C8orf34: variants seen among roughly 807,000 people sequenced by gnomAD.
C8orf34 encodes uncharacterized protein C8orf34.
C8orf34 carries 65 observed loss-of-function variants against 68.3 expected under a neutral mutation model. The observed-to-expected ratio is 0.95, with a 90% confidence interval of 0.78 to 1.17. The LOEUF (loss-of-function observed/expected upper bound fraction) is 1.17. Among genes scored for constraint, C8orf34 ranks in the 50% most tolerant of loss-of-function variants. The pLI is 0.00. For synonymous variants in C8orf34, 244 were observed against 241.2 expected (o/e 1.01, Z -0.11); for missense variants, 664 against 655.4 (o/e 1.01, Z -0.14).
intron 9 of C8orf34, among the ~76,000 whole-genome samples, chr8:68,712,783 A>G (rs1821362072): frequency 6.6e-6 from 1 of 152,168 alleles, no homozygotes; most frequent in African/African-American, 2.4e-5. Flanking sequence ...TAGACAGGTC[A>G]TCAAGACAGA....
chr8:68,432,589 A>G (rs1179757207), intron 1 of C8orf34, among the ~76,000 whole-genome samples: 1 of 152,104 alleles, frequency 6.6e-6, no homozygotes. Flanking sequence ...TAAAAGACTG[A>G]TATTTTAAAT....
At chr8:68,560,013 G>C (rs906532137) in intron 7 of C8orf34, among the ~76,000 whole-genome samples, 2 of 152,152 alleles carry the variant, frequency 1.3e-5, no homozygotes, top group East Asian at 3.9e-4. Context: ...GACAGAGGCG[G>C]AATACTGAGG....
At chr8:68,743,189 A>G (rs1822355486) in intron 10 of C8orf34, among the ~76,000 whole-genome samples, 1 of 152,230 alleles carries the variant, frequency 6.6e-6, no homozygotes, top group Admixed American at 6.5e-5. Flanking sequence ...TGACAAGGAC[A>G]CCTGTTAGAA....
Position 68,345,848 on chromosome 8 carries a change from A to AC in C8orf34, c.327+14509_327+14510insC, listed in dbSNP as rs201337174. ...AAATTTATACATTTAAAAAATACAC[A>AC]ATAGCATTTAGAAAAAAATTTACCA... On this transcript the variant is annotated intron_variant, in intron 1 of 13. Transcript: ENST00000518698. Among the ~76,000 whole-genome samples, 1,198 of 152,156 alleles carry AC rather than the reference A, an allele frequency of 7.9e-3. 19 individuals carry two copies. The highest frequency in any genetic ancestry group is 0.027 in the African/African-American group (1,102 of 41,536).
chr8:68,711,597 T>C (rs1484684335), intron 9 of C8orf34, among the ~76,000 whole-genome samples: 1 of 151,954 alleles, frequency 6.6e-6, no homozygotes, highest in Non-Finnish European at 1.5e-5. Context: ...GCTTTTCAAT[T>C]AACCCAATCC....
chr8:68,604,170 G>C (rs1051858821), intron 7 of C8orf34, among the ~76,000 whole-genome samples: 1 of 152,036 alleles, frequency 6.6e-6, no homozygotes, highest in African/African-American at 2.4e-5. Context: ...TGTCATAGAA[G>C]AAGTAAAGAT....
intron 9 of C8orf34, among the ~76,000 whole-genome samples, chr8:68,712,746 G>A (rs1051243624): frequency 1.3e-5 from 2 of 152,024 alleles, no homozygotes; most frequent in African/African-American, 4.8e-5. Flanking sequence ...GTAATAGTGG[G>A]GGACTTTAAT....
intron 7 of C8orf34, among the ~76,000 whole-genome samples, chr8:68,638,232 G>A (rs574639916): frequency 6.6e-6 from 1 of 152,180 alleles, no homozygotes; most frequent in South Asian, 2.1e-4. Context: ...ATTTCATGGA[G>A]GAATTTAATT....
At chr8:68,613,547 T>C (rs1818093745) in intron 7 of C8orf34, among the ~76,000 whole-genome samples, 1 of 151,810 alleles carries the variant, frequency 6.6e-6, no homozygotes, top group African/African-American at 2.4e-5. Flanking sequence ...GTGTTTGACT[T>C]TTTGTCCTTG....
At chr8:68,558,822 G>A (rs1816334349) in intron 7 of C8orf34, among the ~76,000 whole-genome samples, 1 of 151,984 alleles carries the variant, frequency 6.6e-6, no homozygotes, top group Non-Finnish European at 1.5e-5. Flanking sequence ...GCCAAATGAG[G>A]TACAGTCACT....
chr8:68,505,125 G>T (rs970776089), intron 5 of C8orf34, among the ~76,000 whole-genome samples: 2 of 152,100 alleles, frequency 1.3e-5, no homozygotes, highest in Non-Finnish European at 2.9e-5. Flanking sequence ...TTTCACAGGG[G>T]TTGTGCCACT....
intron 8 of C8orf34, among the ~76,000 whole-genome samples, chr8:68,684,863 A>G (rs1820468467): frequency 6.6e-6 from 1 of 152,010 alleles, no homozygotes; most frequent in South Asian, 2.1e-4. Context: ...CCCAGGCTGG[A>G]GTGCAAAAAA....
chr8:68,537,496 T>C (rs1815528062), intron 7 of C8orf34, among the ~76,000 whole-genome samples: 2 of 151,904 alleles, frequency 1.3e-5, no homozygotes, highest in Admixed American at 6.6e-5. Flanking sequence ...AGTCTTGCTT[T>C]GGCTAATGCA....
intron 10 of C8orf34, among the ~76,000 whole-genome samples, chr8:68,728,417 C>T (rs1821892693): frequency 6.6e-6 from 1 of 152,204 alleles, no homozygotes; most frequent in Admixed American, 6.5e-5. Context: ...GTTCCAACCT[C>T]TGCCTGCTAC....
chr8:68,727,290 C>T (rs1821859127), intron 10 of C8orf34, among the ~76,000 whole-genome samples: 1 of 152,204 alleles, frequency 6.6e-6, no homozygotes. Flanking sequence ...CCAGGTCTCA[C>T]ATCCAAGTCA....
At chr8:68,674,548 A>G (rs1422933734) in intron 8 of C8orf34, among the ~76,000 whole-genome samples, 1 of 152,132 alleles carries the variant, frequency 6.6e-6, no homozygotes, top group African/African-American at 2.4e-5. Flanking sequence ...AGAATTGATC[A>G]AGCAGAAAAA....
intron 3 of C8orf34, among the ~76,000 whole-genome samples, chr8:68,461,054 A>T (rs542874664): frequency 2.0e-5 from 3 of 152,338 alleles, no homozygotes; most frequent in Admixed American, 2.0e-4. Flanking sequence ...AAAAATTTAG[A>T]CGAATGTATA....
At chr8:68,707,059 A>G (rs1330960351) in intron 8 of C8orf34, among the ~76,000 whole-genome samples, 2 of 152,196 alleles carry the variant, frequency 1.3e-5, no homozygotes, top group African/African-American at 4.8e-5. Context: ...TAAAACTCTT[A>G]TGGTAAAAAA....
intron 12 of C8orf34, among the ~76,000 whole-genome samples, chr8:68,803,079 A>G (rs1824378681): frequency 6.6e-6 from 1 of 152,124 alleles, no homozygotes; most frequent in South Asian, 2.1e-4. Flanking sequence ...TAAACTTTTA[A>G]GAAATAATTC....
Sources: allele counts gnomAD v4.1 joint callset (sites outside exome capture counted in the v4.1 genomes callset), GRCh38; gene constraint gnomAD v4.1.1; transcripts MANE v1.5; gene names NCBI Gene and HGNC (gene_info 2026-07-23, HGNC 2026-07-21).